The following WDR64 variants were observed in gnomAD, a reference collection of about 807,000 sequenced individuals.
WDR64 encodes WD repeat domain 64.
WDR64 carries 112 observed loss-of-function variants against 139.3 expected under a neutral mutation model. The observed-to-expected ratio is 0.80, with a 90% CI of 0.69 to 0.94. The LOEUF (loss-of-function observed/expected upper bound fraction) is 0.94. WDR64 is among the 40% of genes least tolerant of loss of function. WDR64 has a pLI of 0.00. For synonymous variants in WDR64, 444 were observed against 437.7 expected, an observed-to-expected ratio of 1.01 and a Z score of -0.18; for missense variants, 1,206 against 1,293.1, an observed-to-expected ratio of 0.93 and a Z score of 1.03.
chr1:241,711,966 T>C (rs1157075349), intron 9 of WDR64, 85 bp downstream of exon 9: 1 of 1,275,766 alleles, frequency 7.8e-7, no homozygotes. Flanking sequence ...AAGAACACAT[T>C]AGGGAATTTA....
chr1:241,769,267 T>A, intron 16 of WDR64, 137 bp from the exon 17 acceptor site: 1 of 682,492 alleles, frequency 1.5e-6, no homozygotes, highest in Non-Finnish European at 2.4e-6. Context: ...AAACTCTACT[T>A]CCTTGCATTT....
In WDR64 at chr1:241,787,886, T is replaced by A. The variant is rs185043786; in HGVS notation, c.2743T>A (p.Phe915Ile). The A allele has an allele frequency of 6.2e-7, 1 of 1,608,816 alleles. No homozygotes were observed. Among genetic ancestry groups the A allele is most frequent in the Admixed American group, 1.7e-5 (1 of 58,726 alleles). Residue 915 changes from phenylalanine to isoleucine, a missense_variant, in exon 24 of 28, where the codon TTT (phenylalanine) becomes ATT (isoleucine). By Grantham distance (21) the Phe-to-Ile change is conservative (BLOSUM62 0). Coordinates refer to ENST00000437684, the MANE Select transcript of WDR64 (RefSeq NM_001367482.1). ...CCTCAATGGACATTATTGTGGATAT[T>A]TTGGACAGCGAAGGCTCTTTGAATT... is the stretch of plus-strand genomic sequence containing the variant. ...HALNGHYCGYFGQRRLFELSQ... is the reference protein window; with the variant it reads ...HALNGHYCGYIGQRRLFELSQ...
chr1:241,713,413 G>A (rs1334775138), intron 9 of WDR64, among the ~76,000 whole-genome samples: 1 of 109,814 alleles, frequency 9.1e-6, no homozygotes, highest in Non-Finnish European at 2.0e-5. Flanking sequence ...GAGGGAGGAA[G>A]GGAAGGAAGG....
intron 3 of WDR64, among the ~76,000 whole-genome samples, chr1:241,672,748 G>A (rs1666282212): frequency 6.6e-6 from 1 of 152,182 alleles, no homozygotes; most frequent in African/African-American, 2.4e-5. Context: ...GTGGTTGATG[G>A]GGTGGTCAGG....
intron 8 of WDR64, among the ~76,000 whole-genome samples, chr1:241,704,987 G>A (rs1460729110): frequency 3.3e-5 from 5 of 152,212 alleles, no homozygotes; most frequent in Non-Finnish European, 7.3e-5. Context: ...ATGGGGGAAT[G>A]CAGGGTTATT....
intron 26 of WDR64, 129 bp from the exon 27 acceptor site, chr1:241,796,128 C>A: frequency 2.1e-6 from 1 of 476,294 alleles, no homozygotes; most frequent in Non-Finnish European, 3.8e-6. Flanking sequence ...TAATGCTGAG[C>A]AACTGGGAAG....
At chr1:241,774,845 G>GTGTA (rs1198944921) in intron 20 of WDR64, among the ~76,000 whole-genome samples, 1 of 152,188 alleles carries the variant, frequency 6.6e-6, no homozygotes, top group Non-Finnish European at 1.5e-5. Flanking sequence ...ACAATCCCAA[G>GTGTA]TGTAGAACAG....
chr1:241,671,041 C>T lies in WDR64; in HGVS notation c.277-33C>T, dbSNP rs756939142. ...ACTTTATAGCTAATTCTGAGGCATG[C>T]TGCATATTTATATGTGCTGTTTGGG... On this transcript the variant is annotated intron_variant, in intron 2 of 27. Transcript: ENST00000437684. 2.8e-6 allele frequency: 4 copies of T among 1,407,340 alleles called. No individual in the cohort carries two copies. The South Asian group carries it at 5.3e-5, about 19-fold the overall frequency. The allele number at this position is 1,407,340 out of a possible 1,614,324, so 87.2% of individuals were successfully genotyped here.
intron 25 of WDR64, among the ~76,000 whole-genome samples, chr1:241,790,915 G>C (rs1659196649): frequency 2.0e-5 from 3 of 152,106 alleles, no homozygotes; most frequent in Non-Finnish European, 2.9e-5. Flanking sequence ...GGTGTCACCT[G>C]AGCTGAGTTT....
intron 11 of WDR64, among the ~76,000 whole-genome samples, chr1:241,740,159 A>G (rs538238224): frequency 6.6e-5 from 10 of 152,380 alleles, no homozygotes; most frequent in African/African-American, 2.2e-4. Context: ...CTGAGATTCA[A>G]TATCAGAGCT....
At chr1:241,784,403 A>G (rs767351707) in intron 23 of WDR64, among the ~76,000 whole-genome samples, 8 of 152,190 alleles carry the variant, frequency 5.3e-5, no homozygotes, top group Non-Finnish European at 1.2e-4. Context: ...TTTAGATTTG[A>G]TGATAGCTAT....
chr1:241,778,548 T>C (rs1368067286), intron 21 of WDR64, among the ~76,000 whole-genome samples: 1 of 152,228 alleles, frequency 6.6e-6, no homozygotes, highest in Non-Finnish European at 1.5e-5. Flanking sequence ...TTTGTTACTA[T>C]TCTTAATTTG....
rs765559542 is a variant in WDR64 at position 241,757,331 on chromosome 1, G to A, written c.1819G>A (p.Val607Ile). ...CATGGTGATCTGGGAGCTGCCTGAT[G>A]TTGTGCCTTTCCTACAAGATGGGAA... ...YLMVIWELPD[V>I]VPFLQDGKHA... The change falls in exon 15 of 28, where the codon GTT (valine) becomes ATT (isoleucine). Residue 607 changes from valine (V) to isoleucine (I), a missense_variant. By Grantham distance (29) the Val-to-Ile change is conservative. Transcript: ENST00000437684. 4 of 1,613,964 alleles carry A rather than the reference G, an allele frequency of 2.5e-6. No individual in the cohort carries two copies. Among genetic ancestry groups the A allele is most frequent in the Admixed American group, 1.7e-5 (1 of 59,912 alleles).
intron 8 of WDR64, among the ~76,000 whole-genome samples, chr1:241,698,704 C>T (rs61825799): frequency 0.074 from 11,279 of 152,146 alleles, 589 homozygotes; most frequent in South Asian, 0.14. Flanking sequence ...TTTCTGTCCC[C>T]CAACCTCCAG....
At position 241,687,553 on chromosome 1, in the gene WDR64, A is replaced by G; in HGVS notation, c.932A>G (p.His311Arg). Reference sequence around the variant, plus strand: ...GGATCCTGCTCCTTAGACAGTAATCATTCATTAGTTTTGGAATCCTTGAAG... The same window carrying G: ...GGATCCTGCTCCTTAGACAGTAATCGTTCATTAGTTTTGGAATCCTTGAAG... ...CFGSCSLDSNHSLVLESLKRL... is the reference protein window; with the variant it reads ...CFGSCSLDSNRSLVLESLKRL... The change falls in exon 8 of 28, where the codon CAT (histidine) becomes CGT (arginine). Residue 311 changes from histidine to arginine, a missense_variant. His to Arg is a conservative substitution (Grantham distance 29). Transcript: ENST00000437684. The G allele has an allele frequency of 6.2e-7, 1 of 1,612,226 alleles. No homozygotes were observed. Among genetic ancestry groups the G allele is most frequent in the Non-Finnish European group, 8.5e-7 (1 of 1,179,658 alleles).
intron 23 of WDR64, among the ~76,000 whole-genome samples, chr1:241,785,474 C>T (rs1451849582): frequency 6.6e-6 from 1 of 152,166 alleles, no homozygotes; most frequent in East Asian, 1.9e-4. Flanking sequence ...AAGCATGTCC[C>T]ATTTCACATC....
At chr1:241,737,836 C>T (rs1274610520) in intron 10 of WDR64, among the ~76,000 whole-genome samples, 1 of 152,176 alleles carries the variant, frequency 6.6e-6, no homozygotes, top group Non-Finnish European at 1.5e-5. Flanking sequence ...TTCTCATACT[C>T]CTAGTGTGTC....
intron 8 of WDR64, among the ~76,000 whole-genome samples, chr1:241,705,546 A>AAAT (rs1667911879): frequency 3.8e-5 from 5 of 130,496 alleles, no homozygotes; most frequent in African/African-American, 8.9e-5. Context: ...TGTCTCTAAA[A>AAAT]AAATAAATAA....
chr1:241,656,870 T>TTGTGTGTGTG lies in WDR64; in HGVS notation c.146-3628_146-3619dup, dbSNP rs199635140. ...AAATGTCTCAAGTCTTTGCCAAATG[T>TTGTGTGTGTG]TGTGTGTGTGTGTGTGTGTGTGTGT... On this transcript the variant is annotated intron_variant, in intron 1 of 27. Coordinates refer to ENST00000437684, the MANE Select transcript of WDR64 (RefSeq NM_001367482.1). This position sits in a 1 kb window ranked among gnomAD's most constrained non-coding sequence, Gnocchi z 4.3. 1.0e-4 allele frequency among the ~76,000 whole-genome samples: 9 copies of TTGTGTGTGTG among 86,636 alleles called. No homozygotes were observed. The highest frequency in any genetic ancestry group is 2.9e-4 in the East Asian group (1 of 3,492). The allele number at this position is 86,636 out of a possible 152,430, so 56.8% of individuals were successfully genotyped here.
Sources: gnomAD v4.1 joint callset for allele counts (sites outside exome capture counted in the v4.1 genomes callset) on GRCh38, gnomAD v4.1.1 for gene constraint, Gnocchi (gnomAD v3.1) non-coding constraint, MANE v1.5 for transcripts, NCBI Gene and HGNC (gene_info 2026-07-23, HGNC 2026-07-21) for gene names.